Variants in DNAH3 observed in about 807,000 individuals in gnomAD.
DNAH3 encodes the protein dynein axonemal heavy chain 3.
Under a neutral mutation model 432.5 loss-of-function variants are expected in DNAH3, and 332 were observed. That is an observed-to-expected ratio of 0.77 (90% CI 0.70 to 0.84). The LOEUF (loss-of-function observed/expected upper bound fraction) is 0.84, where lower values mean the gene tolerates loss of function less well. Ranked by LOEUF, DNAH3 falls within the 40% of genes least tolerant of loss-of-function variation. The pLI is 0.00. For missense variants in DNAH3, 4,861 were observed against 5,114.0 expected (o/e 0.95, Z 1.51); for synonymous variants, 1,956 against 1,900.2 (o/e 1.03, Z -0.76).
At chr16:21,075,169 C>A (rs2090930978) in intron 21 of DNAH3, among the ~76,000 whole-genome samples, 1 of 152,152 alleles carries the variant, frequency 6.6e-6, no homozygotes, top group Non-Finnish European at 1.5e-5. Context: ...TGCACCTTCA[C>A]TGGGAGGTGC....
In DNAH3 at chr16:20,935,466, G is replaced by GGC; in HGVS notation, c.11877_11878dup (p.Pro3960ArgfsTer18). Reference sequence around the variant, plus strand: ...TCCAGAGATCCAAAATACCACAGGGGGCCCCTTGTCAATCCATTCCTGGAG... The same window carrying GGC: ...TCCAGAGATCCAAAATACCACAGGGGGCGCCCCTTGTCAATCCATTCCTGGAG... On this transcript the variant is annotated frameshift_variant, in exon 61 of 62. Coordinates refer to ENST00000261383, the Ensembl canonical transcript of DNAH3. LOFTEE classifies it high-confidence loss of function. 6.2e-7 allele frequency: 1 copy of GGC among 1,611,624 alleles called. No homozygotes were observed. The highest frequency in any genetic ancestry group is 8.5e-7 in the Non-Finnish European group (1 of 1,179,460).
chr16:21,058,407 C>T (rs1001876888), intron 26 of DNAH3, among the ~76,000 whole-genome samples: 1 of 152,190 alleles, frequency 6.6e-6, no homozygotes, highest in Non-Finnish European at 1.5e-5. Flanking sequence ...CACCAATCAT[C>T]TCATCAACTT....
Position 21,125,380 on chromosome 16 carries a change from C to T in DNAH3, c.1209-10G>A. 6.3e-7 allele frequency: 1 copy of T among 1,576,518 alleles called. No homozygotes were observed. The highest frequency in any genetic ancestry group is 1.8e-5 in the Admixed American group (1 of 56,562). On this transcript the variant is annotated splice_polypyrimidine_tract_variant and intron_variant, in intron 8 of 61. Coordinates refer to ENST00000261383, the Ensembl canonical transcript of DNAH3. ...GCAGGTGGGGATCCACCTGTAAAGA[C>T]AGAAGGGTGTCCATGTGAGAAGCTC...
chr16:21,046,865 G>A (rs2089722670), intron 31 of DNAH3, among the ~76,000 whole-genome samples: 1 of 151,912 alleles, frequency 6.6e-6, no homozygotes, highest in South Asian at 2.1e-4. Context: ...TTGTAAGGCA[G>A]GCCTGGTGGT....
At chr16:20,970,087 G>T in intron 51 of DNAH3, 97 bp from the exon 52 acceptor site, 1 of 1,164,756 alleles carries the variant, frequency 8.6e-7, no homozygotes, top group Non-Finnish European at 1.3e-6. Flanking sequence ...GAAGGAAGAG[G>T]TGCTTCCTCT....
At chr16:20,950,118 G>A (rs951940615) in intron 56 of DNAH3, among the ~76,000 whole-genome samples, 2 of 152,170 alleles carry the variant, frequency 1.3e-5, no homozygotes, top group African/African-American at 4.8e-5. Context: ...GAGTAGCTGG[G>A]ACTATGGGTG....
At chr16:21,124,431 T>C (rs958835369) in intron 9 of DNAH3, among the ~76,000 whole-genome samples, 2 of 152,232 alleles carry the variant, frequency 1.3e-5, no homozygotes, top group Admixed American at 6.5e-5. Context: ...TGAGTGATTA[T>C]CTCAAGAAAG....
chr16:20,987,276 A>G (rs370325603), intron 47 of DNAH3, 29 bp downstream of exon 47: 1 of 1,610,880 alleles, frequency 6.2e-7, no homozygotes, highest in Non-Finnish European at 8.5e-7. Flanking sequence ...ACCATTTCTG[A>G]GGTCAAATGA....
exon 31 of DNAH3, chr16:21,049,615 G>T: frequency 6.2e-7 from 1 of 1,614,190 alleles, no homozygotes; most frequent in Non-Finnish European, 8.5e-7. Context: ...TCCAGCCTGT[G>T]CCAGCCCCTT....
chr16:20,970,610 C>A (rs1311844600), intron 51 of DNAH3, among the ~76,000 whole-genome samples: 1 of 152,148 alleles, frequency 6.6e-6, no homozygotes, highest in African/African-American at 2.4e-5. Context: ...TTTAAAATTG[C>A]CCCTGAGTCT....
At chr16:21,035,880 C>T (rs1314868177) in intron 35 of DNAH3, among the ~76,000 whole-genome samples, 3 of 152,146 alleles carry the variant, frequency 2.0e-5, no homozygotes, top group Admixed American at 2.0e-4. Flanking sequence ...TTGTAACTCA[C>T]ATTGTGACTT....
intron 44 of DNAH3, among the ~76,000 whole-genome samples, chr16:20,994,815 T>C (rs2086694624): frequency 6.6e-6 from 1 of 152,220 alleles, no homozygotes; most frequent in South Asian, 2.1e-4. Context: ...AATAACATCT[T>C]TAAGTTTCAT....
Position 21,136,483 on chromosome 16 carries a change from G to C in DNAH3, c.727C>G (p.Arg243Gly), listed in dbSNP as rs181937425. 5 of 1,614,104 alleles carry C rather than the reference G, an allele frequency of 3.1e-6. No homozygotes were observed. In the East Asian group the frequency reaches 1.1e-4, roughly 36 times the overall value. ...TCCTCAGGGGCAATCATGTCTTTGCGAATTCCATTGGTCAGATAGTAATAG... is the reference window on the plus strand; with the variant it reads ...TCCTCAGGGGCAATCATGTCTTTGCCAATTCCATTGGTCAGATAGTAATAG... Residue 243 changes from arginine to glycine, a missense_variant, in exon 6 of 62, where the codon CGC (arginine) becomes GGC (glycine). Coordinates refer to ENST00000261383, the Ensembl canonical transcript of DNAH3.
chr16:21,125,162 G>A lies in DNAH3; in HGVS notation c.1404+13C>T. ...TTCCCCTCAAAAGGTCCAAATGCAG[G>A]TCCCTGACTTACTTTGTGTATCATG... On this transcript the variant is annotated intron_variant, in intron 9 of 61. Transcript: ENST00000261383. The A allele has an allele frequency of 1.3e-6, 2 of 1,585,814 alleles. No homozygotes were observed. Among genetic ancestry groups the A allele is most frequent in the Non-Finnish European group, 1.7e-6 (2 of 1,163,512 alleles).
At chr16:21,101,977 T>A (rs1470176119) in intron 16 of DNAH3, among the ~76,000 whole-genome samples, 2 of 152,318 alleles carry the variant, frequency 1.3e-5, no homozygotes, top group East Asian at 3.9e-4. Context: ...ACCATTAATG[T>A]GGACTGGGAA....
intron 14 of DNAH3, 49 bp downstream of exon 14, chr16:21,111,577 C>T: frequency 6.4e-7 from 1 of 1,562,572 alleles, no homozygotes; most frequent in Non-Finnish European, 8.7e-7. Flanking sequence ...TTTTCGTCTC[C>T]AGTTGGTGCC....
intron 41 of DNAH3, among the ~76,000 whole-genome samples, chr16:21,004,498 G>A (rs2087182180): frequency 6.6e-6 from 1 of 152,074 alleles, no homozygotes; most frequent in Admixed American, 6.6e-5. Flanking sequence ...TTCCCAAGTA[G>A]CTGGGACTAC....
chr16:20,952,566 A>AGAGAGAGGCTTCAGTGCT lies in DNAH3; in HGVS notation c.11072-35_11072-18dup. 6.6e-7 allele frequency: 1 copy of AGAGAGAGGCTTCAGTGCT among 1,504,694 alleles called. No homozygotes were observed. The highest frequency in any genetic ancestry group is 1.1e-5 in the South Asian group (1 of 88,508). The allele number at this position is 1,504,694 out of a possible 1,614,324, so 93.2% of individuals were successfully genotyped here. On this transcript the variant is annotated splice_polypyrimidine_tract_variant and intron_variant, in intron 55 of 61. Transcript: ENST00000261383. The stretch of plus-strand genomic sequence containing the variant: ...TATTCCACCCTGCGTGTGGGAGAGC[A>AGAGAGAGGCTTCAGTGCT]GAGAGAGGCTTCAGTGCTGAGAGCT...
chr16:21,084,630 T>C (rs936801999), intron 19 of DNAH3, among the ~76,000 whole-genome samples: 1 of 152,122 alleles, frequency 6.6e-6, no homozygotes, highest in Non-Finnish European at 1.5e-5. Flanking sequence ...CTGGGATTTT[T>C]TAAATTTAAA....
Sources: allele counts gnomAD v4.1 joint callset (sites outside exome capture counted in the v4.1 genomes callset), GRCh38; gene constraint gnomAD v4.1.1; transcripts MANE v1.5; gene names NCBI Gene and HGNC (gene_info 2026-07-23, HGNC 2026-07-21).